Variants in PTPRD observed in about 807,000 individuals in gnomAD.
The protein encoded by PTPRD is protein tyrosine phosphatase receptor type D.
In PTPRD, 34 loss-of-function variants were observed where a neutral mutation model predicts 214.5. That is an observed-to-expected ratio of 0.16 (90% CI 0.12 to 0.21). PTPRD has a LOEUF of 0.21. Among genes scored for constraint, PTPRD ranks in the 10% least tolerant of loss-of-function variants. The pLI, the probability that PTPRD is intolerant of heterozygous loss-of-function variation, is 1.00. For missense variants in PTPRD, 2,545 were observed against 2,398.7 expected (o/e 1.06, Z -1.27); for synonymous variants, 1,128 against 845.7 (o/e 1.33, Z -5.79).
chr9:8,780,490 G>T (rs924248508), intron 11 of PTPRD, among the ~76,000 whole-genome samples: 1 of 152,122 alleles, frequency 6.6e-6, no homozygotes, highest in East Asian at 1.9e-4. Flanking sequence ...CCTCAGACAC[G>T]GAGGGATTAA....
At chr9:9,339,177 T>C (rs752494366) in intron 9 of PTPRD, among the ~76,000 whole-genome samples, 6 of 151,960 alleles carry the variant, frequency 3.9e-5, no homozygotes, top group Non-Finnish European at 7.4e-5. Flanking sequence ...AGAGGAAGCA[T>C]GTAAAAAGCT....
At chr9:9,459,675 A>G (rs72704651) in intron 8 of PTPRD, among the ~76,000 whole-genome samples, 5,496 of 152,220 alleles carry the variant, frequency 0.036, 125 homozygotes, top group Middle Eastern at 0.099. Flanking sequence ...AGTATAAAAC[A>G]CTGAGGAAAG....
At chr9:8,713,529 G>A (rs1020386158) in intron 12 of PTPRD, 12 of 1,246,996 alleles carry the variant, frequency 9.6e-6, no homozygotes, top group Admixed American at 1.7e-5. Context: ...AGTCCCCGCT[G>A]CGGGTGAAGA....
At chr9:10,111,535 G>A (rs982484342) in intron 3 of PTPRD, among the ~76,000 whole-genome samples, 4 of 152,036 alleles carry the variant, frequency 2.6e-5, no homozygotes, top group Non-Finnish European at 5.9e-5. Flanking sequence ...ACCGCGCCCG[G>A]CCCCAGTTTA....
intron 8 of PTPRD, among the ~76,000 whole-genome samples, chr9:9,498,007 C>T (rs1053459862): frequency 6.6e-6 from 1 of 152,062 alleles, no homozygotes; most frequent in Non-Finnish European, 1.5e-5. Flanking sequence ...ATGTATTTTG[C>T]TTGCCTGAGA....
chr9:8,994,267 C>T (rs1195051813), intron 11 of PTPRD, among the ~76,000 whole-genome samples: 1 of 152,164 alleles, frequency 6.6e-6, no homozygotes, highest in Non-Finnish European at 1.5e-5. Flanking sequence ...AATAGGGATG[C>T]ACTTGAAAGG....
chr9:8,434,096 C>G (rs577702752), intron 35 of PTPRD, among the ~76,000 whole-genome samples: 2 of 152,176 alleles, frequency 1.3e-5, no homozygotes, highest in Non-Finnish European at 2.9e-5. Context: ...GATTTTCCTG[C>G]CTCAGCCTCC....
intron 12 of PTPRD, among the ~76,000 whole-genome samples, chr9:8,688,615 A>G (rs1327883748): frequency 6.6e-6 from 1 of 151,850 alleles, no homozygotes; most frequent in Non-Finnish European, 1.5e-5. Context: ...CTGGATAGCA[A>G]TAAGTTATAA....
Position 8,339,043 on chromosome 9 carries a change from T to A in PTPRD, c.5258A>T (p.Lys1753Ile), listed in dbSNP as rs753666810. The change falls in exon 43 of 46, where the codon AAA (lysine) becomes ATA (isoleucine). Residue 1753 changes from lysine (K) to isoleucine (I), a missense_variant. Transcript: ENST00000381196. ...TTCTGCTGGCCAGTATTGGTGACATTTCTCCTAAAAGGAGAGAAGATTAAT... is the reference window on the plus strand; with the variant it reads ...TTCTGCTGGCCAGTATTGGTGACATATCTCCTAAAAGGAGAGAAGATTAAT... ...LTKLREMGREKCHQYWPAERS... is the reference protein window; with the variant it reads ...LTKLREMGREICHQYWPAERS... The A allele has an allele frequency of 1.2e-6, 2 of 1,611,070 alleles. No homozygotes were observed. Among genetic ancestry groups the A allele is most frequent in the East Asian group, 4.5e-5 (2 of 44,812 alleles).
At chr9:9,433,024 G>T (rs533925916) in intron 8 of PTPRD, among the ~76,000 whole-genome samples, 1 of 152,132 alleles carries the variant, frequency 6.6e-6, no homozygotes, top group Non-Finnish European at 1.5e-5. Flanking sequence ...GTGTGTTTCC[G>T]AATGCAAGCG....
At chr9:9,888,479 G>C (rs1457760402) in intron 5 of PTPRD, among the ~76,000 whole-genome samples, 3 of 152,116 alleles carry the variant, frequency 2.0e-5, no homozygotes, top group East Asian at 3.9e-4. Flanking sequence ...TTGGGTCATG[G>C]GGAGAGGGTT....
chr9:8,478,886 T>C (rs977112032), intron 30 of PTPRD, among the ~76,000 whole-genome samples: 1 of 152,188 alleles, frequency 6.6e-6, no homozygotes, highest in East Asian at 1.9e-4. Context: ...ACCTCCTCAT[T>C]AACTTGGCCA....
intron 2 of PTPRD, among the ~76,000 whole-genome samples, chr9:10,463,413 G>C (rs2098972374): frequency 6.6e-6 from 1 of 152,042 alleles, no homozygotes; most frequent in South Asian, 2.1e-4. Flanking sequence ...GACAGATATT[G>C]AAAACACAGA....
intron 11 of PTPRD, among the ~76,000 whole-genome samples, chr9:8,751,613 G>A (rs2093540808): frequency 6.6e-6 from 1 of 152,150 alleles, no homozygotes; most frequent in African/African-American, 2.4e-5. Context: ...GGCCTGCTGT[G>A]AGTCAATTGC....
intron 9 of PTPRD, among the ~76,000 whole-genome samples, chr9:9,256,433 A>G (rs1273318481): frequency 6.7e-6 from 1 of 148,710 alleles, no homozygotes; most frequent in African/African-American, 2.5e-5. Context: ...CCATTTTTGT[A>G]CTATTTTTCC....
At chr9:8,587,122 C>T (rs542481216) in intron 14 of PTPRD, among the ~76,000 whole-genome samples, 180 of 152,264 alleles carry the variant, frequency 1.2e-3, no homozygotes, top group African/African-American at 4.1e-3. Flanking sequence ...TGCACTCCAG[C>T]CTGGGCGACA....
intron 4 of PTPRD, among the ~76,000 whole-genome samples, chr9:9,967,028 G>C (rs74680493): frequency 0.029 from 4,405 of 152,200 alleles, 106 homozygotes; most frequent in East Asian, 0.068. Context: ...AGATAGCAAT[G>C]ACAGGATCTG....
chr9:9,823,409 C>A (rs2051493883), intron 5 of PTPRD, among the ~76,000 whole-genome samples: 2 of 151,990 alleles, frequency 1.3e-5, no homozygotes, highest in Non-Finnish European at 2.9e-5. Context: ...ACAGCACAAG[C>A]CTGGAGGGAT....
chr9:8,548,884 G>C (rs2081141698), intron 14 of PTPRD, among the ~76,000 whole-genome samples: 1 of 151,506 alleles, frequency 6.6e-6, no homozygotes, highest in African/African-American at 2.4e-5. Context: ...AGTAGAGACG[G>C]GGTTTCTCCA....
Sources: allele counts gnomAD v4.1 joint callset (sites outside exome capture counted in the v4.1 genomes callset), GRCh38; gene constraint gnomAD v4.1.1; transcripts MANE v1.5; gene names NCBI Gene and HGNC (gene_info 2026-07-23, HGNC 2026-07-21).